RMDN1: variants seen among roughly 807,000 people sequenced by gnomAD.
The protein encoded by RMDN1 is regulator of microtubule dynamics 1.
In RMDN1, 48 loss-of-function variants were observed where a neutral mutation model predicts 48.9. The ratio of observed to expected loss-of-function variants is 0.98; its 90% confidence interval spans 0.78 to 1.25. The LOEUF (loss-of-function observed/expected upper bound fraction) is 1.25, where lower values mean the gene tolerates loss of function less well. RMDN1 is among the 50% of genes most tolerant of loss of function. The pLI is 0.00. For missense variants in RMDN1, 418 were observed against 373.4 expected (o/e 1.12, Z -0.98); for synonymous variants, 148 against 132.6 (o/e 1.12, Z -0.80).
intron 4 of RMDN1, among the ~76,000 whole-genome samples, chr8:86,486,173 A>T (rs1033405565): frequency 1.3e-5 from 2 of 152,218 alleles, no homozygotes; most frequent in Non-Finnish European, 2.9e-5. Flanking sequence ...AAGAATATAG[A>T]TATAGGTAAT....
intron 2 of RMDN1, among the ~76,000 whole-genome samples, chr8:86,490,938 A>T (rs1049241608): frequency 2.0e-5 from 3 of 152,090 alleles, no homozygotes; most frequent in African/African-American, 7.2e-5. Flanking sequence ...TGGAAGGATC[A>T]CTTGACCCCA....
chr8:86,473,737 G>T lies in RMDN1; in HGVS notation c.*571C>A. The T allele has an allele frequency of 1.2e-6, 1 of 835,656 alleles. No homozygotes were observed. The highest frequency in any genetic ancestry group is 1.4e-6 in the Non-Finnish European group (1 of 693,522). 51.8% of individuals were successfully genotyped at this position (835,656 alleles called of 1,614,324 possible). A position where few individuals can be genotyped will look rare whatever the true frequency, so the allele number is the denominator to read the frequency against. On this transcript the variant is annotated 3_prime_UTR_variant, in exon 10 of 10. Transcript: ENST00000406452. ...GCCGAGATTGTGCCACTGCACACCA[G>T]CCTGGGAAACAAAGTGAGACTCTGT...
At position 86,473,094 on chromosome 8, in the gene RMDN1, T is replaced by C; in HGVS notation, c.*1214A>G. 1 of 983,796 alleles carries C rather than the reference T, an allele frequency of 1.0e-6. No homozygotes were observed. Among genetic ancestry groups the C allele is most frequent in the Non-Finnish European group, 1.2e-6 (1 of 828,448 alleles). 60.9% of individuals were successfully genotyped at this position (983,796 alleles called of 1,614,324 possible). On this transcript the variant is annotated 3_prime_UTR_variant, in exon 10 of 10. Transcript: ENST00000406452. Reference sequence around the variant, plus strand: ...TTTCAGATAAGGGATACACAACCTATATAGCAAAATCACTGAATCTAAGAG... The same window carrying C: ...TTTCAGATAAGGGATACACAACCTACATAGCAAAATCACTGAATCTAAGAG...
Position 86,474,060 on chromosome 8 carries a change from T to C in RMDN1, c.*248A>G. 8.2e-7 allele frequency: 1 copy of C among 1,216,748 alleles called. No individual in the cohort carries two copies. The highest frequency in any genetic ancestry group is 1.0e-6 in the Non-Finnish European group (1 of 974,584). 75.4% of individuals were successfully genotyped at this position (1,216,748 alleles called of 1,614,324 possible). On this transcript the variant is annotated 3_prime_UTR_variant, in exon 10 of 10. Coordinates refer to ENST00000406452, the MANE Select transcript of RMDN1 (RefSeq NM_016033.3). ...CTTAGAAATCTCATACCATTTTGCATTGCTGGTATCCAGGATGCAAAATAA... is the reference window on the plus strand; with the variant it reads ...CTTAGAAATCTCATACCATTTTGCACTGCTGGTATCCAGGATGCAAAATAA...
intron 2 of RMDN1, among the ~76,000 whole-genome samples, chr8:86,492,510 G>A (rs556333031): frequency 2.1e-4 from 32 of 152,042 alleles, no homozygotes; most frequent in Non-Finnish European, 2.6e-4. Context: ...AAAATCAGCC[G>A]GTCATGGTGG....
Position 86,474,734 on chromosome 8 carries a change from A to G in RMDN1, c.894+86T>C. The G allele has an allele frequency of 8.9e-6, 11 of 1,235,316 alleles. No homozygotes were observed. In the South Asian group the frequency reaches 1.1e-4, roughly 13 times the overall value. The allele number at this position is 1,235,316 out of a possible 1,614,324, so 76.5% of individuals were successfully genotyped here. On this transcript the variant is annotated intron_variant, in intron 9 of 9. Coordinates refer to ENST00000406452, the MANE Select transcript of RMDN1 (RefSeq NM_016033.3). ...GTTTTCAACAATATTATGCATTTAGAAAATTATGCTTTTAAAGAAGTTCTT... is the reference window on the plus strand; with the variant it reads ...GTTTTCAACAATATTATGCATTTAGGAAATTATGCTTTTAAAGAAGTTCTT...
chr8:86,477,890 TAAA>T (rs751489584), intron 7 of RMDN1, among the ~76,000 whole-genome samples: 5 of 140,526 alleles, frequency 3.6e-5, no homozygotes, highest in Non-Finnish European at 4.7e-5. Flanking sequence ...TGACCTGTCT[TAAA>T]AAAAAAAAAA....
In RMDN1 at chr8:86,488,731, A is replaced by G. The variant is rs566677637; in HGVS notation, c.248-92T>C. ...CAAAGAAACTTAAACACTTTTATAT[A>G]TAAGCAAATGAAATTAGATACAGAA... On this transcript the variant is annotated intron_variant, in intron 2 of 9. Coordinates refer to ENST00000406452, the MANE Select transcript of RMDN1 (RefSeq NM_016033.3). 27 of 735,004 alleles carry G rather than the reference A, an allele frequency of 3.7e-5. No homozygotes were observed. The South Asian group carries it at 6.3e-4, about 17-fold the overall frequency. The allele number at this position is 735,004 out of a possible 1,614,324, so 45.5% of individuals were successfully genotyped here. A position where few individuals can be genotyped will look rare whatever the true frequency, so the allele number is the denominator to read the frequency against.
chr8:86,495,699 G>A (rs1339857152), intron 2 of RMDN1, among the ~76,000 whole-genome samples: 1 of 152,134 alleles, frequency 6.6e-6, no homozygotes, highest in Non-Finnish European at 1.5e-5. Context: ...CCCAAGGGAG[G>A]ACTTTTGAAG....
Position 86,473,948 on chromosome 8 carries a change from C to T in RMDN1, c.*360G>A, listed in dbSNP as rs1812933373. On this transcript the variant is annotated 3_prime_UTR_variant, in exon 10 of 10. Transcript: ENST00000406452. Reference sequence around the variant, plus strand: ...CTTAGAATCAATCCAATTTGAAAATCCATCCCCCTGTATATCCCCTATAGA... The same window carrying T: ...CTTAGAATCAATCCAATTTGAAAATTCATCCCCCTGTATATCCCCTATAGA... The T allele has an allele frequency of 2.0e-6, 2 of 1,012,394 alleles. No individual in the cohort carries two copies. The highest frequency in any genetic ancestry group is 2.4e-6 in the Non-Finnish European group (2 of 847,494). 62.7% of individuals were successfully genotyped at this position (1,012,394 alleles called of 1,614,324 possible). A position where few individuals can be genotyped will look rare whatever the true frequency, so the allele number is the denominator to read the frequency against.
At position 86,472,527 on chromosome 8, in the gene RMDN1, T is replaced by C. The variant is rs1408902985; in HGVS notation, c.*1781A>G. The C allele has an allele frequency of 1.4e-6, 1 of 697,890 alleles. No individual in the cohort carries two copies. The highest frequency in any genetic ancestry group is 2.6e-6 in the Non-Finnish European group (1 of 383,970). 43.2% of individuals were successfully genotyped at this position (697,890 alleles called of 1,614,324 possible). On this transcript the variant is annotated 3_prime_UTR_variant, in exon 10 of 10. Transcript: ENST00000406452. ...TACAATAACCTTTTAAAATACAGCA[T>C]CATTAAGTGGGAAACTGAAAGCCTG...
At chr8:86,504,777 G>A in intron 2 of RMDN1, 1 of 1,043,988 alleles carries the variant, frequency 9.6e-7, no homozygotes, top group South Asian at 1.3e-5. Context: ...CCGCCCAGCT[G>A]CGACTGCAAT....
downstream of RMDN1, chr8:86,468,667 A>C (rs755081900): frequency 2.2e-6 from 1 of 456,186 alleles, no homozygotes; most frequent in Non-Finnish European, 4.4e-6. Context: ...GTCTCCCTCA[A>C]GTAAGAAATT....
At position 86,504,052 on chromosome 8, in the gene RMDN1, C is replaced by T. The variant is rs532612622; in HGVS notation, c.247+2943G>A. The T allele has an allele frequency of 2.9e-5, 24 of 837,822 alleles. No homozygotes were observed. The African/African-American group carries it at 4.0e-4, about 14-fold the overall frequency. The allele number at this position is 837,822 out of a possible 1,614,324, so 51.9% of individuals were successfully genotyped here. On this transcript the variant is annotated intron_variant, in intron 2 of 9. Coordinates refer to ENST00000406452, the MANE Select transcript of RMDN1 (RefSeq NM_016033.3). The stretch of plus-strand genomic sequence containing the variant: ...GCAGGGTACCTTTGGCACTCTCAAC[C>T]AGCTGGGCATCATTGTCAGAATTCT...
At chr8:86,496,687 A>G (rs1427179350) in intron 2 of RMDN1, among the ~76,000 whole-genome samples, 1 of 152,202 alleles carries the variant, frequency 6.6e-6, no homozygotes, top group East Asian at 1.9e-4. Context: ...ACCACACCAT[A>G]ATACTGAGAG....
In RMDN1 at chr8:86,501,518, C is replaced by T. The variant is rs1348983716; in HGVS notation, c.247+5477G>A. Among the ~76,000 whole-genome samples, 6 of 152,116 alleles carry T rather than the reference C, an allele frequency of 3.9e-5. No individual in the cohort carries two copies. The East Asian group carries it at 5.8e-4, about 15-fold the overall frequency. On this transcript the variant is annotated intron_variant, in intron 2 of 9. Coordinates refer to ENST00000406452, the MANE Select transcript of RMDN1 (RefSeq NM_016033.3). ...TGAAACCTCGTCTCTACAAAAAATA[C>T]AAAAATTAGGCAGGCATGGTGGTGT...
intron 3 of RMDN1, 66 bp from the exon 4 acceptor site, chr8:86,486,709 T>A: frequency 8.2e-7 from 1 of 1,220,484 alleles, no homozygotes. Context: ...AGGGTTACAT[T>A]ACTAATGAAT....
At chr8:86,504,951 G>T in intron 2 of RMDN1, 1 of 1,326,696 alleles carries the variant, frequency 7.5e-7, no homozygotes, top group Non-Finnish European at 1.1e-6. Flanking sequence ...CAGGGCTTTT[G>T]AGGATATCAC....
intron 2 of RMDN1, among the ~76,000 whole-genome samples, chr8:86,492,743 G>C (rs1816721440): frequency 6.6e-6 from 1 of 151,276 alleles, no homozygotes; most frequent in Admixed American, 6.6e-5. Context: ...TAACAAGTGG[G>C]TATCTGGTAC....
Sources: gnomAD v4.1 joint callset for allele counts (sites outside exome capture counted in the v4.1 genomes callset) on GRCh38, gnomAD v4.1.1 for gene constraint, MANE v1.5 for transcripts, NCBI Gene and HGNC (gene_info 2026-07-23, HGNC 2026-07-21) for gene names.